Variants in SNX29 observed in about 807,000 individuals in gnomAD.
SNX29 encodes the protein sorting nexin 29, also known as sorting nexin-29.
SNX29 carries 78 observed loss-of-function variants against 102.1 expected under a neutral mutation model. The ratio of observed to expected loss-of-function variants is 0.76; its 90% CI spans 0.64 to 0.92. The LOEUF is 0.92. SNX29 is among the 40% of genes least tolerant of loss of function. The probability of loss-of-function intolerance (pLI) is 0.00; values close to 1 mark genes in which losing one functional copy is unlikely to be tolerated. For missense variants in SNX29, 1,280 were observed against 1,061.7 expected (o/e 1.21, Z -2.86); for synonymous variants, 580 against 414.5 (o/e 1.40, Z -4.85).
chr16:12,240,895 C>T (rs143675341), intron 14 of SNX29, among the ~76,000 whole-genome samples: 10 of 152,230 alleles, frequency 6.6e-5, no homozygotes, highest in South Asian at 6.2e-4. Context: ...CGTTACCCAC[C>T]GCACCTTGCC....
chr16:12,125,366 C>G (rs2054159519), intron 11 of SNX29, among the ~76,000 whole-genome samples: 2 of 152,258 alleles, frequency 1.3e-5, no homozygotes, highest in Admixed American at 6.5e-5. Context: ...AAGATTCCCA[C>G]TACCAGAGTA....
intron 20 of SNX29, among the ~76,000 whole-genome samples, chr16:12,550,240 G>T (rs1361839670): frequency 1.3e-5 from 2 of 152,118 alleles, no homozygotes; most frequent in Non-Finnish European, 2.9e-5. Flanking sequence ...TCTAATTTTA[G>T]AAATAGCAAA....
chr16:12,483,532 G>C (rs1256799703), intron 19 of SNX29, among the ~76,000 whole-genome samples: 4 of 151,682 alleles, frequency 2.6e-5, no homozygotes, highest in Non-Finnish European at 4.4e-5. Flanking sequence ...GGTCAGGCTG[G>C]TCTCGAACTC....
chr16:12,542,330 A>C (rs778850468), intron 20 of SNX29, among the ~76,000 whole-genome samples: 9 of 152,220 alleles, frequency 5.9e-5, no homozygotes, highest in Non-Finnish European at 1.5e-5. Context: ...CTGCTGTTAG[A>C]GCAAGAGATT....
At chr16:11,989,104 C>G (rs2055744425) in intron 1 of SNX29, among the ~76,000 whole-genome samples, 3 of 152,036 alleles carry the variant, frequency 2.0e-5, no homozygotes, top group South Asian at 2.1e-4. Context: ...CTCTCAGTAG[C>G]TGGGATTACG....
chr16:12,258,314 G>A lies in SNX29; in HGVS notation c.1679-19619G>A, dbSNP rs115437872. 8.9e-3 allele frequency among the ~76,000 whole-genome samples: 1,347 copies of A among 152,174 alleles called. 30 individuals carry two copies. The highest frequency in any genetic ancestry group is 0.031 in the African/African-American group (1,270 of 41,510). The stretch of plus-strand genomic sequence containing the variant: ...CAGTCACAGTGGCCTTTCTGTTCCC[G>A]GAAGAAGTCCCGCGTTCCCATGTCA... On this transcript the variant is annotated intron_variant, in intron 14 of 20. Transcript: ENST00000566228.
At chr16:12,002,446 C>CA (rs547796469) in intron 2 of SNX29, among the ~76,000 whole-genome samples, 3,287 of 88,342 alleles carry the variant, frequency 0.037, 124 homozygotes, top group African/African-American at 0.11. Flanking sequence ...AACTCCATCT[C>CA]AAAAAAAAAA....
At chr16:12,078,811 C>T (rs761694500) in intron 10 of SNX29, 22 bp from the exon 11 acceptor site, 1 of 1,583,640 alleles carries the variant, frequency 6.3e-7, no homozygotes, top group Non-Finnish European at 8.6e-7. Flanking sequence ...AGTGTAACTT[C>T]CTCCTGCCTG....
intron 18 of SNX29, among the ~76,000 whole-genome samples, chr16:12,461,975 AAAAATATATATAT>A (rs1237563981): frequency 1.6e-5 from 1 of 63,416 alleles, no homozygotes; most frequent in African/African-American, 1.1e-4. Context: ...AAAAAAAAAA[AAAAATATATATAT>A]ATATATATAT....
At chr16:12,255,378 G>A (rs1238819310) in intron 14 of SNX29, among the ~76,000 whole-genome samples, 4 of 151,836 alleles carry the variant, frequency 2.6e-5, no homozygotes, top group African/African-American at 4.8e-5. Flanking sequence ...TTTTAGTAGA[G>A]ACAGGGTTTC....
intron 11 of SNX29, among the ~76,000 whole-genome samples, chr16:12,116,247 T>C (rs558073334): frequency 1.3e-5 from 2 of 152,224 alleles, no homozygotes; most frequent in Non-Finnish European, 2.9e-5. Flanking sequence ...CAGGTAACTA[T>C]GCACAAAGGT....
intron 4 of SNX29, chr16:12,038,901 C>G (rs1249424348): frequency 1.3e-5 from 2 of 152,202 alleles, no homozygotes; most frequent in East Asian, 3.9e-4. Context: ...ATTCCCCGTC[C>G]TGGTTTCTTG....
chr16:12,351,792 T>G (rs1002953697), intron 15 of SNX29, among the ~76,000 whole-genome samples: 1 of 152,030 alleles, frequency 6.6e-6, no homozygotes, highest in Non-Finnish European at 1.5e-5. Context: ...GGTGGTGCTT[T>G]CCCCCATCTT....
chr16:12,244,473 G>A (rs2078203530), intron 14 of SNX29, among the ~76,000 whole-genome samples: 1 of 152,142 alleles, frequency 6.6e-6, no homozygotes, highest in South Asian at 2.1e-4. Flanking sequence ...GCTGGGCATG[G>A]TGGTGCATGC....
chr16:12,528,566 G>T (rs140701913), intron 20 of SNX29, among the ~76,000 whole-genome samples: 7 of 152,122 alleles, frequency 4.6e-5, no homozygotes. Context: ...ACACTTGGAT[G>T]CCCCGTGTCC....
At chr16:12,021,085 C>A (rs2057006240) in intron 3 of SNX29, among the ~76,000 whole-genome samples, 1 of 152,198 alleles carries the variant, frequency 6.6e-6, no homozygotes, top group Non-Finnish European at 1.5e-5. Context: ...AGTCCATTTT[C>A]ATGATTGTAG....
chr16:12,473,655 G>A (rs763770615), intron 18 of SNX29, among the ~76,000 whole-genome samples: 3 of 152,308 alleles, frequency 2.0e-5, no homozygotes, highest in Non-Finnish European at 2.9e-5. Context: ...GATGAGATGC[G>A]AAGTTGGCAC....
In SNX29 at chr16:12,568,587, C is replaced by A; in HGVS notation, c.2400C>A (p.Pro800=). The A allele has an allele frequency of 6.2e-7, 1 of 1,606,696 alleles. No homozygotes were observed. The highest frequency in any genetic ancestry group is 8.5e-7 in the Non-Finnish European group (1 of 1,179,826). ...TCCCCAAACTGTCCCGGGGTCAGCC[C>A]CGGGAGACCCGCAACGTGGAGCCCC... is the stretch of plus-strand genomic sequence containing the variant. ...SRFPKLSRGQ[P]RETRNVEPQS... The change falls in exon 21 of 21, where the codon CCC becomes CCA. Residue 800 remains proline (P), a synonymous_variant. Transcript: ENST00000566228.
At chr16:12,344,402 T>G (rs2081715482) in intron 15 of SNX29, among the ~76,000 whole-genome samples, 1 of 152,154 alleles carries the variant, frequency 6.6e-6, no homozygotes, top group Admixed American at 6.5e-5. Flanking sequence ...ATTTCCTCAA[T>G]CTGTAGATGG....
Sources: gnomAD v4.1 joint callset for allele counts (sites outside exome capture counted in the v4.1 genomes callset) on GRCh38, gnomAD v4.1.1 for gene constraint, MANE v1.5 for transcripts, NCBI Gene and HGNC (gene_info 2026-07-23, HGNC 2026-07-21) for gene names.